Variants in SPAG16 observed in about 807,000 individuals in gnomAD.
SPAG16 encodes the protein sperm associated antigen 16, also known as sperm-associated antigen 16 protein.
A neutral mutation model predicts 80.4 loss-of-function variants in SPAG16; 86 were observed. The ratio of observed to expected loss-of-function variants is 1.07; its 90% CI spans 0.90 to 1.28. SPAG16 has a LOEUF of 1.28. Ranked by LOEUF, SPAG16 falls within the 50% of genes most tolerant of loss-of-function variation. The probability of loss-of-function intolerance (pLI) is 0.00; values close to 1 mark genes in which losing one functional copy is unlikely to be tolerated. For missense variants in SPAG16, 870 were observed against 765.3 expected (o/e 1.14, Z -1.61); for synonymous variants, 294 against 265.9 (o/e 1.11, Z -1.03).
At chr2:213,909,801 G>T (rs932963552) in intron 11 of SPAG16, among the ~76,000 whole-genome samples, 1 of 152,130 alleles carries the variant, frequency 6.6e-6, no homozygotes, top group Non-Finnish European at 1.5e-5. Context: ...TACTTTGTGC[G>T]AGTGCCCTCA....
At chr2:213,353,234 AATATCTGTGAACTCCTTT>A (rs1199813206) in intron 7 of SPAG16, among the ~76,000 whole-genome samples, 1 of 152,194 alleles carries the variant, frequency 6.6e-6, no homozygotes, top group Non-Finnish European at 1.5e-5. Context: ...CCTCTGCCAC[AATATCTGTGAACTCCTTT>A]ATATCTGTGG....
At position 214,338,360 on chromosome 2, in the gene SPAG16, A is replaced by T. The variant is rs551900170; in HGVS notation, c.1721-71780A>T. Among the ~76,000 whole-genome samples the T allele has an allele frequency of 3.3e-4, 50 of 152,178 alleles. 2 individuals are homozygous for T. The South Asian group carries it at 0.01, about 32-fold the overall frequency. On this transcript the variant is annotated intron_variant, in intron 15 of 15. Coordinates refer to ENST00000331683, the MANE Select transcript of SPAG16 (RefSeq NM_024532.5). ...GAAACCCCGTCTCTCCTAAAAATATAAAAATTAGTCGGGCATGGTGGTGCA... is the reference window on the plus strand; with the variant it reads ...GAAACCCCGTCTCTCCTAAAAATATTAAAATTAGTCGGGCATGGTGGTGCA...
chr2:214,055,819 A>G (rs2049907693), intron 13 of SPAG16, among the ~76,000 whole-genome samples: 1 of 152,176 alleles, frequency 6.6e-6, no homozygotes, highest in Non-Finnish European at 1.5e-5. Flanking sequence ...TTCTTGTTTT[A>G]TACTACATAA....
At chr2:213,477,930 C>G (rs138724685) in intron 9 of SPAG16, among the ~76,000 whole-genome samples, 2 of 152,194 alleles carry the variant, frequency 1.3e-5, no homozygotes, top group African/African-American at 2.4e-5. Context: ...CCATAATTCC[C>G]ACATTTTGAG....
At chr2:213,602,153 A>G (rs1309618228) in intron 10 of SPAG16, among the ~76,000 whole-genome samples, 5 of 152,212 alleles carry the variant, frequency 3.3e-5, no homozygotes, top group African/African-American at 4.8e-5. Flanking sequence ...CGGTCTGTGG[A>G]CTGGGGTTGG....
At chr2:213,331,913 A>G (rs867009028) in intron 5 of SPAG16, among the ~76,000 whole-genome samples, 5 of 152,164 alleles carry the variant, frequency 3.3e-5, no homozygotes, top group African/African-American at 9.7e-5. Flanking sequence ...AGGCACTTAC[A>G]TAAGTGCCTT....
intron 12 of SPAG16, among the ~76,000 whole-genome samples, chr2:213,988,584 G>C (rs1379086329): frequency 6.6e-6 from 1 of 151,800 alleles, no homozygotes; most frequent in South Asian, 2.1e-4. Context: ...ATAGTGTTCA[G>C]CAAGGTTACA....
intron 10 of SPAG16, among the ~76,000 whole-genome samples, chr2:213,855,321 A>G (rs2075099995): frequency 6.6e-6 from 1 of 152,218 alleles, no homozygotes; most frequent in African/African-American, 2.4e-5. Context: ...CTCTACTTAA[A>G]GATATGGACT....
chr2:213,451,785 A>G (rs952221413), intron 9 of SPAG16, among the ~76,000 whole-genome samples: 5 of 152,110 alleles, frequency 3.3e-5, no homozygotes, highest in African/African-American at 1.2e-4. Context: ...CAGAGCCTCT[A>G]GTAGTCCCCA....
intron 15 of SPAG16, among the ~76,000 whole-genome samples, chr2:214,333,826 A>G (rs1489436950): frequency 6.6e-6 from 1 of 152,242 alleles, no homozygotes; most frequent in Admixed American, 6.5e-5. Context: ...AAGAATTGAG[A>G]TGGAAACAAC....
intron 9 of SPAG16, among the ~76,000 whole-genome samples, chr2:213,488,445 G>T (rs750271408): frequency 6.6e-6 from 1 of 152,088 alleles, no homozygotes; most frequent in Non-Finnish European, 1.5e-5. Flanking sequence ...TTAGTGAAGT[G>T]CAGATTTATA....
At chr2:213,483,515 C>T (rs1252140943) in intron 9 of SPAG16, among the ~76,000 whole-genome samples, 2 of 152,058 alleles carry the variant, frequency 1.3e-5, no homozygotes, top group Admixed American at 6.6e-5. Flanking sequence ...TGCTAAATTT[C>T]GAAAGATGGG....
chr2:214,286,556 G>A (rs1364277206), intron 15 of SPAG16, among the ~76,000 whole-genome samples: 3 of 152,096 alleles, frequency 2.0e-5, no homozygotes, highest in African/African-American at 7.2e-5. Context: ...AGACCAGCCT[G>A]GCCAACCTGC....
At chr2:213,934,099 C>T (rs1485304709) in intron 12 of SPAG16, among the ~76,000 whole-genome samples, 2 of 152,138 alleles carry the variant, frequency 1.3e-5, no homozygotes, top group Non-Finnish European at 2.9e-5. Flanking sequence ...AAGCCAGAAG[C>T]TACAAAGAAC....
At chr2:213,646,663 T>C (rs2062834811) in intron 10 of SPAG16, among the ~76,000 whole-genome samples, 1 of 152,354 alleles carries the variant, frequency 6.6e-6, no homozygotes, top group Admixed American at 6.5e-5. Flanking sequence ...TTATATATCA[T>C]TTCTTTAAAC....
At chr2:213,357,767 A>G (rs1010050820) in intron 7 of SPAG16, among the ~76,000 whole-genome samples, 1 of 152,142 alleles carries the variant, frequency 6.6e-6, no homozygotes, top group Non-Finnish European at 1.5e-5. Flanking sequence ...TTTAAGGTTA[A>G]TATTGTTATG....
intron 10 of SPAG16, among the ~76,000 whole-genome samples, chr2:213,530,025 T>A (rs1486309182): frequency 6.6e-6 from 1 of 152,214 alleles, no homozygotes; most frequent in African/African-American, 2.4e-5. Flanking sequence ...CTTCAGAGAT[T>A]ATCTTCAGAG....
chr2:213,918,119 C>T (rs946415994), intron 11 of SPAG16, among the ~76,000 whole-genome samples: 2 of 152,106 alleles, frequency 1.3e-5, no homozygotes, highest in African/African-American at 4.8e-5. Context: ...GGGATAAAGC[C>T]TACTTGGTCA....
At chr2:214,139,093 A>G (rs550477986) in intron 14 of SPAG16, among the ~76,000 whole-genome samples, 1 of 152,148 alleles carries the variant, frequency 6.6e-6, no homozygotes, top group Non-Finnish European at 1.5e-5. Context: ...TCTTCTGTCT[A>G]GGTCTCATTT....
Sources: gnomAD v4.1 joint callset for allele counts (sites outside exome capture counted in the v4.1 genomes callset) on GRCh38, gnomAD v4.1.1 for gene constraint, MANE v1.5 for transcripts, NCBI Gene and HGNC (gene_info 2026-07-23, HGNC 2026-07-21) for gene names.